Variants in ADAR observed in about 807,000 individuals in gnomAD.
The protein encoded by ADAR is double-stranded RNA-specific adenosine deaminase.
In ADAR, 41 loss-of-function variants were observed where a neutral mutation model predicts 113.2. That is an observed-to-expected ratio of 0.36 (90% CI 0.28 to 0.47). The LOEUF is 0.47. Among genes scored for constraint, ADAR ranks in the 20% least tolerant of loss-of-function variants. The pLI is 1.00. For missense variants in ADAR, 1,242 were observed against 1,540.9 expected (o/e 0.81, Z 3.25); for synonymous variants, 605 against 572.6 (o/e 1.06, Z -0.81).
chr1:154,626,638 G>A (rs1157221460), intron 1 of ADAR, among the ~76,000 whole-genome samples: 1 of 152,108 alleles, frequency 6.6e-6, no homozygotes, highest in Non-Finnish European at 1.5e-5. Context: ...CTGGGTACTG[G>A]GCCCTTACTA....
chr1:154,602,174 G>C lies in ADAR; in HGVS notation c.468C>G (p.Thr156=), dbSNP rs1255232924. The change falls in exon 2 of 15, where the codon ACC becomes ACG. Residue 156 remains threonine, a synonymous_variant. Coordinates refer to ENST00000368474, the MANE Select transcript of ADAR (RefSeq NM_001111.5). ...GTTTCCCAGACAGATCATGTGCTGT[G>C]GTGGCCTTCCCTTCCCCAAGCTCTT... is the stretch of plus-strand genomic sequence containing the variant. The part of the protein sequence containing the change: ...FLEELGEGKA[T]TAHDLSGKLG... 1 of 1,614,008 alleles carries C rather than the reference G, an allele frequency of 6.2e-7. No homozygotes were observed. Among genetic ancestry groups the C allele is most frequent in the Non-Finnish European group, 8.5e-7 (1 of 1,180,010 alleles).
intron 12 of ADAR, 109 bp from the exon 13 acceptor site, chr1:154,585,974 GA>G (rs1448594277): frequency 1.5e-5 from 19 of 1,231,544 alleles, no homozygotes; most frequent in Non-Finnish European, 2.1e-5. Context: ...TCAAGAAAGA[GA>G]AACAGCTGCC....
chr1:154,616,749 C>T (rs781465441), intron 1 of ADAR, among the ~76,000 whole-genome samples: 1 of 152,246 alleles, frequency 6.6e-6, no homozygotes, highest in Non-Finnish European at 1.5e-5. Flanking sequence ...ACGCAACATG[C>T]GCATTTCCCT....
At chr1:154,592,362 G>A (rs1697204227) in intron 6 of ADAR, among the ~76,000 whole-genome samples, 1 of 152,112 alleles carries the variant, frequency 6.6e-6, no homozygotes, top group Non-Finnish European at 1.5e-5. Flanking sequence ...TCAAATATGA[G>A]ATCTTACATT....
At chr1:154,619,196 A>G (rs1389702804) in intron 1 of ADAR, among the ~76,000 whole-genome samples, 1 of 152,162 alleles carries the variant, frequency 6.6e-6, no homozygotes, top group Admixed American at 6.5e-5. Context: ...CCACTTTCCT[A>G]AGAAGGCCAG....
chr1:154,619,234 T>C (rs926233644), intron 1 of ADAR, among the ~76,000 whole-genome samples: 1 of 152,208 alleles, frequency 6.6e-6, no homozygotes, highest in South Asian at 2.1e-4. Context: ...AGAGGAAGGA[T>C]GTTAATTAAT....
rs1696525540 is a variant in ADAR at position 154,583,261 on chromosome 1, C to A, written c.*1545G>T. On this transcript the variant is annotated 3_prime_UTR_variant, in exon 15 of 15. Transcript: ENST00000368474. ...TCACAAAACTGGACTGCAGCCATCA[C>A]CACGGCACCAAGTCTATGCTTGGGC... The A allele has an allele frequency of 6.6e-6, 1 of 152,292 alleles. No individual in the cohort carries two copies. Among genetic ancestry groups the A allele is most frequent in the South Asian group, 2.1e-4 (1 of 4,832 alleles). 9.4% of individuals were successfully genotyped at this position (152,292 alleles called of 1,614,324 possible).
At chr1:154,599,128 T>C (rs1240902632) in intron 2 of ADAR, among the ~76,000 whole-genome samples, 1 of 152,220 alleles carries the variant, frequency 6.6e-6, no homozygotes, top group East Asian at 1.9e-4. Context: ...TGAGTCACTC[T>C]ATAGCACCAT....
At chr1:154,613,148 C>T (rs1698538486), upstream of ADAR, among the ~76,000 whole-genome samples, 1 of 152,048 alleles carries the variant, frequency 6.6e-6, no homozygotes, top group Non-Finnish European at 1.5e-5. Context: ...TAGCCTCCCA[C>T]AGTAAACCCA....
chr1:154,601,034 C>A lies in ADAR; in HGVS notation c.1601+7G>T, dbSNP rs776962079. 2 of 1,614,086 alleles carry A rather than the reference C, an allele frequency of 1.2e-6. No homozygotes were observed. Among genetic ancestry groups the A allele is most frequent in the Non-Finnish European group, 1.7e-6 (2 of 1,180,034 alleles). Reference sequence around the variant, plus strand: ...ACCCTAGGTACAGTTCCTGGGTGGTCTCTTACCGAGGTTCATGGGGTGGTC... The same window carrying A: ...ACCCTAGGTACAGTTCCTGGGTGGTATCTTACCGAGGTTCATGGGGTGGTC... On this transcript the variant is annotated splice_region_variant and intron_variant, in intron 2 of 14. Transcript: ENST00000368474. This position sits in a 1 kb window ranked among gnomAD's most constrained non-coding sequence, Gnocchi z 4.7.
intron 11 of ADAR, among the ~76,000 whole-genome samples, chr1:154,587,405 G>C (rs905455214): frequency 6.6e-6 from 1 of 152,146 alleles, no homozygotes; most frequent in Non-Finnish European, 1.5e-5. Flanking sequence ...GCTGATGGAC[G>C]TCTGGGTTGT....
intron 6 of ADAR, among the ~76,000 whole-genome samples, chr1:154,596,011 T>G (rs961812752): frequency 6.6e-6 from 1 of 152,204 alleles, no homozygotes; most frequent in African/African-American, 2.4e-5. Context: ...CTGTACAGGT[T>G]TGTAGCCTAG....
At chr1:154,627,925 A>ACCCCCCCCCCCCCC in exon 1 of ADAR, 2 of 293,270 alleles carry the variant, frequency 6.8e-6, no homozygotes, top group Non-Finnish European at 1.3e-5. Flanking sequence ...CCCTCCCCCC[A>ACCCCCCCCCCCCCC]CCCTCCCCCA....
chr1:154,606,037 G>A, intron 1 of ADAR: 2 of 787,790 alleles, frequency 2.5e-6, no homozygotes, highest in Non-Finnish European at 3.1e-6. Context: ...ACGGAGTCTC[G>A]CTCTGTTGCC....
chr1:154,590,134 T>TCGGC, intron 7 of ADAR, 50 bp downstream of exon 7: 3 of 1,447,036 alleles, frequency 2.1e-6, no homozygotes, highest in Non-Finnish European at 1.9e-6. Context: ...ACTTAGGAGT[T>TCGGC]AGGAGGACCC....
chr1:154,595,032 G>A (rs1272475950), intron 6 of ADAR, among the ~76,000 whole-genome samples: 4 of 152,152 alleles, frequency 2.6e-5, no homozygotes, highest in Non-Finnish European at 5.9e-5. Context: ...TGATGGAGCT[G>A]AAAAATTCTT....
Position 154,586,343 on chromosome 1 carries a change from C to G in ADAR, c.3040G>C (p.Glu1014Gln), listed in dbSNP as rs965662260. ...VENGEGTIPV[E>Q]SSDIVPTWDG... ...CACGTAGGCACAATGTCACTGGATT[C>G]CACAGGGATTGTGCCTTCTCCTGTG... The change falls in exon 12 of 15, where the codon GAA becomes CAA. Residue 1014 changes from glutamate (E) to glutamine (Q), a missense_variant. Glu to Gln is a conservative substitution (Grantham distance 29, BLOSUM62 2). Coordinates refer to ENST00000368474, the MANE Select transcript of ADAR (RefSeq NM_001111.5). 2 of 1,613,994 alleles carry G rather than the reference C, an allele frequency of 1.2e-6. No homozygotes were observed. The highest frequency in any genetic ancestry group is 2.7e-5 in the African/African-American group (2 of 74,928).
chr1:154,614,490 A>G (rs1243732839), intron 1 of ADAR, among the ~76,000 whole-genome samples: 1 of 152,244 alleles, frequency 6.6e-6, no homozygotes, highest in Non-Finnish European at 1.5e-5. Context: ...CATGGCTTGT[A>G]GAAAGCAGGA....
rs574874187 is a variant in ADAR, at chr1:154,591,362, G to A, written c.2271-953C>T. On this transcript the variant is annotated intron_variant, in intron 6 of 14. Transcript: ENST00000368474. ...CCATTCCCTCATTTACTTCCTATTA[G>A]CTCAAGGGGACTTGACCTGGAGAGG... Among the ~76,000 whole-genome samples, 16 of 152,346 alleles carry A rather than the reference G, an allele frequency of 1.1e-4. No individual in the cohort carries two copies. In the South Asian group the frequency reaches 2.9e-3, roughly 28 times the overall value.
Sources: gnomAD v4.1 joint callset for allele counts (sites outside exome capture counted in the v4.1 genomes callset) on GRCh38, gnomAD v4.1.1 for gene constraint, Gnocchi (gnomAD v3.1) non-coding constraint, MANE v1.5 for transcripts, NCBI Gene and HGNC (gene_info 2026-07-23, HGNC 2026-07-21) for gene names.